Variants in CASZ1 observed in about 807,000 individuals in gnomAD.
The protein encoded by CASZ1 is zinc finger protein castor homolog 1.
CASZ1 carries 28 observed loss-of-function variants against 135.2 expected under a neutral mutation model. The observed-to-expected ratio is 0.21, with a 90% CI of 0.15 to 0.28. The LOEUF is 0.28. CASZ1 is among the 10% of genes least tolerant of loss of function. The pLI is 1.00. For missense variants in CASZ1, 2,161 were observed against 2,453.3 expected (o/e 0.88, Z 2.52); for synonymous variants, 1,068 against 1,073.4 (o/e 0.99, Z 0.10).
At chr1:10,660,607 G>GC (rs1265346908) in intron 5 of CASZ1, 71 bp from the exon 6 acceptor site, 1 of 1,392,552 alleles carries the variant, frequency 7.2e-7, no homozygotes, top group East Asian at 2.4e-5. Context: ...CCCACTGGGG[G>GC]CCCCCACCCA....
intron 4 of CASZ1, among the ~76,000 whole-genome samples, chr1:10,669,935 C>T (rs551011597): frequency 1.4e-4 from 21 of 152,320 alleles, no homozygotes; most frequent in East Asian, 1.2e-3. Context: ...TCTCCCTGCG[C>T]GTCCCTTCTA....
At chr1:10,678,395 T>G (rs1638302089) in intron 4 of CASZ1, among the ~76,000 whole-genome samples, 1 of 103,582 alleles carries the variant, frequency 9.7e-6, no homozygotes, top group African/African-American at 3.7e-5. Context: ...CTGGTTACAG[T>G]GTGAGGGAGA....
chr1:10,640,528 G>A (rs567304579), intron 20 of CASZ1, among the ~76,000 whole-genome samples: 35 of 152,340 alleles, frequency 2.3e-4, no homozygotes, highest in African/African-American at 6.3e-4. Flanking sequence ...CCCTGGCTGC[G>A]CCTGTCTGCA....
intron 4 of CASZ1, among the ~76,000 whole-genome samples, chr1:10,682,295 G>A (rs894650006): frequency 2.6e-5 from 4 of 152,120 alleles, no homozygotes; most frequent in South Asian, 2.1e-4. Context: ...GTGCCGGGAC[G>A]GGGAGAAGGG....
At chr1:10,673,812 G>C (rs984784996) in intron 4 of CASZ1, among the ~76,000 whole-genome samples, 5 of 152,154 alleles carry the variant, frequency 3.3e-5, no homozygotes, top group Non-Finnish European at 7.4e-5. Context: ...GTGGGCAGGA[G>C]AGCCCAGAGA....
At chr1:10,688,677 G>A (rs1638670862) in intron 4 of CASZ1, among the ~76,000 whole-genome samples, 1 of 152,212 alleles carries the variant, frequency 6.6e-6, no homozygotes, top group African/African-American at 2.4e-5. Flanking sequence ...TGCCTCCTGG[G>A]TTTCAGGCCT....
chr1:10,723,026 C>T (rs1639530465), intron 2 of CASZ1, among the ~76,000 whole-genome samples: 1 of 152,260 alleles, frequency 6.6e-6, no homozygotes, highest in South Asian at 2.1e-4. Flanking sequence ...GGCAGCTGAG[C>T]ACCAATGGGG....
intron 5 of CASZ1, 100 bp downstream of exon 5, chr1:10,664,964 GAGGGGCCGGTATTTAGAGC>G: frequency 8.4e-7 from 1 of 1,185,600 alleles, no homozygotes; most frequent in Non-Finnish European, 1.1e-6. Context: ...TGGGTGGGAT[GAGGGGCCGGTATTTAGAGC>G]AGGAGTGAGG....
chr1:10,738,193 G>A (rs1639837568), intron 2 of CASZ1, among the ~76,000 whole-genome samples: 1 of 152,138 alleles, frequency 6.6e-6, no homozygotes, highest in Non-Finnish European at 1.5e-5. Context: ...AGAGAGGTGG[G>A]GCTGCTTCAG....
At chr1:10,736,721 C>T (rs1016034062) in intron 2 of CASZ1, among the ~76,000 whole-genome samples, 3 of 152,218 alleles carry the variant, frequency 2.0e-5, no homozygotes, top group Non-Finnish European at 2.9e-5. Context: ...GAAATAAGGA[C>T]GAGTGAACCA....
intron 4 of CASZ1, 51 bp from the exon 5 acceptor site, chr1:10,665,622 C>G: frequency 6.7e-7 from 1 of 1,482,550 alleles, no homozygotes; most frequent in South Asian, 1.4e-5. Flanking sequence ...AGGCCAAGAA[C>G]AACCCACCCT....
At chr1:10,695,072 C>G (rs1398315783) in intron 3 of CASZ1, among the ~76,000 whole-genome samples, 3 of 151,216 alleles carry the variant, frequency 2.0e-5, no homozygotes, top group African/African-American at 7.3e-5. Context: ...TCCCTGCTCC[C>G]CTGCCCGCTG....
chr1:10,753,234 G>T (rs948572696), intron 2 of CASZ1, among the ~76,000 whole-genome samples: 16 of 152,188 alleles, frequency 1.1e-4, no homozygotes, highest in African/African-American at 3.6e-4. Flanking sequence ...CCCCCGGCAG[G>T]GGGGTACAGT....
intron 17 of CASZ1, among the ~76,000 whole-genome samples, chr1:10,645,515 G>A (rs1642341739): frequency 1.3e-5 from 2 of 152,210 alleles, no homozygotes; most frequent in African/African-American, 4.8e-5. Context: ...GGGTGACAGA[G>A]CGAGACTGTC....
chr1:10,643,852 G>GT (rs1428190199), intron 18 of CASZ1, among the ~76,000 whole-genome samples: 5 of 152,324 alleles, frequency 3.3e-5, no homozygotes, highest in African/African-American at 9.6e-5. Context: ...CCCCAGCTTT[G>GT]TTTGGCCCCA....
At chr1:10,722,236 G>A (rs1030544606) in intron 2 of CASZ1, among the ~76,000 whole-genome samples, 1 of 152,248 alleles carries the variant, frequency 6.6e-6, no homozygotes, top group African/African-American at 2.4e-5. Flanking sequence ...AGGGAGAACA[G>A]GCAGGAGAGT....
In CASZ1 at chr1:10,693,869, G is replaced by A. The variant is rs763512122; in HGVS notation, c.16+5C>T. ...AGCCGCCCCTGCGTTCCCACCGGCC[G>A]GTACCTGTTCCAAGATCCATTCTCT... On this transcript the variant is annotated splice_donor_5th_base_variant and intron_variant, in intron 4 of 20. Transcript: ENST00000377022. The A allele has an allele frequency of 1.9e-6, 3 of 1,611,308 alleles. No individual in the cohort carries two copies. Among genetic ancestry groups the A allele is most frequent in the Non-Finnish European group, 2.5e-6 (3 of 1,178,200 alleles).
intron 1 of CASZ1, among the ~76,000 whole-genome samples, chr1:10,790,097 C>T (rs546977131): frequency 5.3e-4 from 80 of 152,296 alleles, no homozygotes; most frequent in African/African-American, 1.8e-3. Context: ...CAGACCCACT[C>T]GCAGAGCGGC....
At chr1:10,712,725 C>T (rs528461488) in intron 2 of CASZ1, among the ~76,000 whole-genome samples, 64 of 152,326 alleles carry the variant, frequency 4.2e-4, no homozygotes, top group African/African-American at 1.5e-3. Flanking sequence ...AGGACCCCCC[C>T]GCTCAAGTGC....
Sources: allele counts gnomAD v4.1 joint callset (sites outside exome capture counted in the v4.1 genomes callset), GRCh38; gene constraint gnomAD v4.1.1; transcripts MANE v1.5; gene names NCBI Gene and HGNC (gene_info 2026-07-23, HGNC 2026-07-21).